Variants in CADPS observed in about 807,000 individuals in gnomAD.
The protein encoded by CADPS is calcium-dependent secretion activator 1.
A neutral mutation model predicts 167.3 loss-of-function variants in CADPS; 57 were observed. The observed-to-expected ratio is 0.34, with a 90% CI of 0.28 to 0.42. CADPS has a LOEUF of 0.42. Ranked by LOEUF, CADPS falls within the 20% of genes least tolerant of loss-of-function variation. The pLI, the probability that CADPS is intolerant of heterozygous loss-of-function variation, is 1.00. For missense variants in CADPS, 1,414 were observed against 1,738.1 expected, an observed-to-expected ratio of 0.81 and a Z score of 3.32; for synonymous variants, 676 against 635.3, an observed-to-expected ratio of 1.06 and a Z score of -0.96.
intron 3 of CADPS, among the ~76,000 whole-genome samples, chr3:62,685,683 G>A (rs1383387879): frequency 1.6e-5 from 2 of 121,386 alleles, no homozygotes; most frequent in African/African-American, 3.1e-5. Flanking sequence ...TTTTTTCATC[G>A]GGGGGGTGGG....
In CADPS at chr3:62,753,701, C is replaced by T. The variant is rs1329305945; in HGVS notation, c.628G>A (p.Val210Ile). ...CTCTTCTCAATGTGCTTCTTGAAGACCTCCCGGGAGTCGTTGGCGGAACAG... is the reference window on the plus strand; with the variant it reads ...CTCTTCTCAATGTGCTTCTTGAAGATCTCCCGGGAGTCGTTGGCGGAACAG... ...GGCSANDSRE[V>I]FKKHIEKRVR... is the part of the protein sequence containing the mutation. Residue 210 changes from valine (V) to isoleucine (I), a missense_variant, in exon 3 of 30, where the codon GTC becomes ATC. Physicochemically the swap from Val to Ile is conservative, Grantham distance 29 (BLOSUM62 3). Around this residue, in one of 6 missense-constraint regions of CADPS, gnomAD observed 522 missense variants for 559.5 expected, o/e 0.93. Transcript: ENST00000383710. This position sits in a 1 kb window ranked among gnomAD's most constrained non-coding sequence, Gnocchi z 4.6. 3 of 1,614,014 alleles carry T rather than the reference C, an allele frequency of 1.9e-6. No homozygotes were observed. Among genetic ancestry groups the T allele is most frequent in the South Asian group, 1.1e-5 (1 of 91,078 alleles).
At chr3:62,736,117 G>A (rs1182462907) in intron 3 of CADPS, among the ~76,000 whole-genome samples, 1 of 152,142 alleles carries the variant, frequency 6.6e-6, no homozygotes, top group African/African-American at 2.4e-5. Flanking sequence ...AAGTTCCAAG[G>A]ATACCTGTGT....
chr3:62,851,642 C>T (rs2078612141), intron 1 of CADPS, among the ~76,000 whole-genome samples: 1 of 140,870 alleles, frequency 7.1e-6, no homozygotes, highest in Non-Finnish European at 1.5e-5. Flanking sequence ...GCCGAGAGAT[C>T]CGCTGTTAGT....
rs886137294 is a variant in CADPS at position 62,465,053 on chromosome 3, A to G, written c.3636+314T>C. On this transcript the variant is annotated intron_variant, in intron 26 of 29. Coordinates refer to ENST00000383710, the MANE Select transcript of CADPS (RefSeq NM_003716.4). This position sits in a 1 kb window ranked among gnomAD's most constrained non-coding sequence, Gnocchi z 4.1. ...TACAGATGAGGAAATGGTGGCCCACATTAAGTCATTTGCCAGAGCTAGCTA... is the reference window on the plus strand; with the variant it reads ...TACAGATGAGGAAATGGTGGCCCACGTTAAGTCATTTGCCAGAGCTAGCTA... Among the ~76,000 whole-genome samples, 1 of 152,238 alleles carries G rather than the reference A, an allele frequency of 6.6e-6. No homozygotes were observed.
intron 1 of CADPS, among the ~76,000 whole-genome samples, chr3:62,834,881 C>T (rs189433451): frequency 2.0e-5 from 3 of 152,208 alleles, no homozygotes; most frequent in East Asian, 1.9e-4. Context: ...TAATGTTCTC[C>T]CAATTACAAT....
intron 6 of CADPS, among the ~76,000 whole-genome samples, chr3:62,610,946 C>T (rs190388065): frequency 1.6e-3 from 250 of 152,062 alleles, no homozygotes; most frequent in Non-Finnish European, 2.9e-3. Flanking sequence ...ACTCATTTTT[C>T]GGCTGTCACA....
rs141794285 is a variant in CADPS at position 62,425,341 on chromosome 3, T to C, written c.3777+12763A>G. 5.3e-3 allele frequency among the ~76,000 whole-genome samples: 807 copies of C among 152,160 alleles called. 3 individuals are homozygous for C. Among genetic ancestry groups the C allele is most frequent in the Non-Finnish European group, 9.2e-3 (624 of 67,990 alleles). On this transcript the variant is annotated intron_variant, in intron 28 of 29. Coordinates refer to ENST00000383710, the MANE Select transcript of CADPS (RefSeq NM_003716.4). ...GCCAGTAGCACCCTCCCGCCACCAA[T>C]CAAAAATGTCTCCAGACATTTCCAA... is the stretch of plus-strand genomic sequence containing the variant.
chr3:62,471,482 C>A (rs753503993), intron 24 of CADPS, among the ~76,000 whole-genome samples: 7 of 152,074 alleles, frequency 4.6e-5, no homozygotes, highest in Non-Finnish European at 7.4e-5. Flanking sequence ...TTTGTGACAG[C>A]AACTCCCACG....
In CADPS at chr3:62,438,167, G is replaced by T; in HGVS notation, c.3714C>A (p.Arg1238=). Residue 1238 remains arginine, a synonymous_variant, in exon 28 of 30, where the codon CGC becomes CGA. Coordinates refer to ENST00000383710, the MANE Select transcript of CADPS (RefSeq NM_003716.4). This position sits in a 1 kb window ranked among gnomAD's most constrained non-coding sequence, Gnocchi z 4.7. ...DVADAYVTFV[R]HSQDVLRDKV... is the part of the protein sequence containing the mutation. The stretch of plus-strand genomic sequence containing the variant: ...TATCACGCAGGACATCCTGAGAATG[G>T]CGGACGAAAGTCACGTAGGCGTCGG... 1 of 1,613,766 alleles carries T rather than the reference G, an allele frequency of 6.2e-7. No individual in the cohort carries two copies. The highest frequency in any genetic ancestry group is 8.5e-7 in the Non-Finnish European group (1 of 1,179,726).
At chr3:62,635,894 A>T (rs2066210859) in intron 6 of CADPS, among the ~76,000 whole-genome samples, 1 of 152,192 alleles carries the variant, frequency 6.6e-6, no homozygotes, top group Non-Finnish European at 1.5e-5. Context: ...TGTAAGCATT[A>T]TAAGAAAACT....
At chr3:62,463,172 A>G (rs970930459) in intron 26 of CADPS, among the ~76,000 whole-genome samples, 2 of 152,124 alleles carry the variant, frequency 1.3e-5, no homozygotes, top group Non-Finnish European at 2.9e-5. Flanking sequence ...CCTGTTTCTA[A>G]TCTTCCTGTG....
intron 11 of CADPS, among the ~76,000 whole-genome samples, chr3:62,537,498 A>G (rs1407654039): frequency 6.6e-6 from 1 of 152,188 alleles, no homozygotes; most frequent in Non-Finnish European, 1.5e-5. Flanking sequence ...CCATTAAAGA[A>G]ATTGGCTCAC....
At chr3:62,641,450 T>A (rs1278093722) in intron 6 of CADPS, among the ~76,000 whole-genome samples, 1 of 152,158 alleles carries the variant, frequency 6.6e-6, no homozygotes, top group Non-Finnish European at 1.5e-5. Context: ...TTGAAATATA[T>A]CACCTTAGAG....
chr3:62,443,388 G>C (rs911054473), intron 27 of CADPS, among the ~76,000 whole-genome samples: 3 of 152,188 alleles, frequency 2.0e-5, no homozygotes, highest in Non-Finnish European at 2.9e-5. Flanking sequence ...TTTGGAACAT[G>C]CTGCATCAAC....
At chr3:62,466,492 A>C (rs1307468599) in intron 24 of CADPS, 79 bp from the exon 25 acceptor site, 1 of 894,340 alleles carries the variant, frequency 1.1e-6, no homozygotes, top group Non-Finnish European at 1.8e-6. Flanking sequence ...TAGACAACTT[A>C]ATTTATAAAT....
chr3:62,505,339 A>G (rs2066468817), intron 17 of CADPS, among the ~76,000 whole-genome samples: 1 of 152,016 alleles, frequency 6.6e-6, no homozygotes, highest in Non-Finnish European at 1.5e-5. Flanking sequence ...TGGATCATGG[A>G]TTTTTCCCAT....
At position 62,593,410 on chromosome 3, in the gene CADPS, G is replaced by A. The variant is rs140223514; in HGVS notation, c.1326-662C>T. 8.5e-5 allele frequency among the ~76,000 whole-genome samples: 13 copies of A among 152,274 alleles called. No homozygotes were observed. The East Asian group carries it at 1.7e-3, about 20-fold the overall frequency. ...AAAATCTGGGTAGAGCACCAGGTGC[G>A]GCTCACATGAGCCCTTGATGTGCCC... On this transcript the variant is annotated intron_variant, in intron 6 of 29. Transcript: ENST00000383710.
chr3:62,777,706 C>T, intron 1 of CADPS, among the ~76,000 whole-genome samples: 1 of 152,178 alleles, frequency 6.6e-6, no homozygotes, highest in Middle Eastern at 3.4e-3. Flanking sequence ...ACCTAAAACT[C>T]CTCTAAAAAA....
chr3:62,838,528 G>A (rs1328847048), intron 1 of CADPS, among the ~76,000 whole-genome samples: 2 of 152,156 alleles, frequency 1.3e-5, no homozygotes, highest in Non-Finnish European at 2.9e-5. Flanking sequence ...GTGGGTATGT[G>A]TGGTTTTGGG....
Sources: allele counts gnomAD v4.1 joint callset (sites outside exome capture counted in the v4.1 genomes callset), GRCh38; gene constraint gnomAD v4.1.1; regional missense constraint gnomAD v4.1.1; non-coding constraint Gnocchi (gnomAD v3.1); transcripts MANE v1.5; gene names NCBI Gene and HGNC (gene_info 2026-07-23, HGNC 2026-07-21).